Variants in RBFOX1 observed in about 807,000 individuals in gnomAD.
The protein encoded by RBFOX1 is RNA binding protein fox-1 homolog 1.
A neutral mutation model predicts 57.7 loss-of-function variants in RBFOX1; 8 were observed. The observed-to-expected ratio is 0.14, with a 90% CI of 0.08 to 0.25. RBFOX1 has a LOEUF of 0.25. Among genes scored for constraint, RBFOX1 ranks in the 10% least tolerant of loss-of-function variants. RBFOX1 has a pLI of 1.00. For missense variants in RBFOX1, 611 were observed against 548.5 expected, an observed-to-expected ratio of 1.11 and a Z score of -1.14; for synonymous variants, 326 against 222.4, an observed-to-expected ratio of 1.47 and a Z score of -4.15.
intron 1 of RBFOX1, among the ~76,000 whole-genome samples, chr16:6,222,864 A>C: frequency 6.6e-6 from 1 of 151,750 alleles, no homozygotes; most frequent in East Asian, 1.9e-4. Flanking sequence ...CCCCCACCCC[A>C]CAACAGTCCC....
intron 1 of RBFOX1, among the ~76,000 whole-genome samples, chr16:6,302,960 T>G (rs1375589848): frequency 6.6e-6 from 1 of 152,238 alleles, no homozygotes; most frequent in Non-Finnish European, 1.5e-5. Context: ...GTGAAGGCAC[T>G]TCACATATTT....
At chr16:5,773,914 G>T (rs1246437226) in intron 3 of RBFOX1, among the ~76,000 whole-genome samples, 2 of 152,004 alleles carry the variant, frequency 1.3e-5, no homozygotes, top group African/African-American at 2.4e-5. Context: ...GGTTGGTCTC[G>T]ATCTACTGAC....
intron 2 of RBFOX1, among the ~76,000 whole-genome samples, chr16:6,407,800 C>G (rs9933743): frequency 6.6e-6 from 1 of 152,106 alleles, no homozygotes; most frequent in Non-Finnish European, 1.5e-5. Context: ...AAATAAAACA[C>G]TAAATCACCA....
intron 2 of RBFOX1, among the ~76,000 whole-genome samples, chr16:6,350,444 G>GAAAAAAAAAA (rs569363563): frequency 8.0e-5 from 6 of 74,616 alleles, no homozygotes; most frequent in Non-Finnish European, 1.2e-4. Context: ...TCTGTCTCAA[G>GAAAAAAAAAA]AAAAAAAAAA....
chr16:6,506,880 T>C (rs1358525452), intron 2 of RBFOX1, among the ~76,000 whole-genome samples: 1 of 152,100 alleles, frequency 6.6e-6, no homozygotes, highest in Non-Finnish European at 1.5e-5. Context: ...ACTCCTGACC[T>C]CAAGTGATCC....
At chr16:6,969,796 C>A (rs1032828815) in intron 3 of RBFOX1, among the ~76,000 whole-genome samples, 1 of 151,864 alleles carries the variant, frequency 6.6e-6, no homozygotes, top group Non-Finnish European at 1.5e-5. Flanking sequence ...TCTGGTGCCC[C>A]CTTCAGTTGT....
At chr16:5,800,879 A>G (rs1004484) in intron 3 of RBFOX1, among the ~76,000 whole-genome samples, 5,448 of 152,208 alleles carry the variant, frequency 0.036, 146 homozygotes, top group Non-Finnish European at 0.05. Flanking sequence ...GTCCTAGGGC[A>G]AAAATGAGTT....
intron 2 of RBFOX1, among the ~76,000 whole-genome samples, chr16:5,582,068 C>G (rs565613404): frequency 2.1e-4 from 32 of 152,300 alleles, no homozygotes; most frequent in African/African-American, 7.5e-4. Context: ...TTCAAACTTG[C>G]AATTATTTCA....
intron 3 of RBFOX1, among the ~76,000 whole-genome samples, chr16:5,740,248 C>G (rs531743632): frequency 3.9e-5 from 6 of 152,228 alleles, no homozygotes; most frequent in Admixed American, 1.3e-4. Flanking sequence ...CCCTGTTGAT[C>G]AGTCATCATC....
chr16:6,143,528 A>T (rs906459705), intron 1 of RBFOX1, among the ~76,000 whole-genome samples: 1 of 152,158 alleles, frequency 6.6e-6, no homozygotes, highest in African/African-American at 2.4e-5. Flanking sequence ...TCCCTTTGCT[A>T]TTGAGAAGTG....
intron 3 of RBFOX1, among the ~76,000 whole-genome samples, chr16:6,940,314 C>G (rs1244212709): frequency 6.6e-6 from 1 of 152,154 alleles, no homozygotes; most frequent in African/African-American, 2.4e-5. Flanking sequence ...GTTGCTCTGA[C>G]CAAGCTAGGT....
chr16:6,377,920 C>T (rs934693720), intron 2 of RBFOX1, among the ~76,000 whole-genome samples: 2 of 152,158 alleles, frequency 1.3e-5, no homozygotes, highest in Non-Finnish European at 1.5e-5. Context: ...CCAAGAGGTG[C>T]TTCTCAAAGA....
intron 3 of RBFOX1, among the ~76,000 whole-genome samples, chr16:6,900,863 G>C (rs1049648185): frequency 6.6e-6 from 1 of 152,186 alleles, no homozygotes; most frequent in African/African-American, 2.4e-5. Context: ...TGAGCTCCAT[G>C]AATGCAGGGA....
chr16:7,136,176 G>A (rs1032418665), intron 4 of RBFOX1, among the ~76,000 whole-genome samples: 21 of 152,178 alleles, frequency 1.4e-4, no homozygotes, highest in African/African-American at 5.1e-4. Context: ...GGAGAGTTTG[G>A]CATTTCCAAG....
chr16:7,537,769 C>T (rs377520498), intron 5 of RBFOX1, among the ~76,000 whole-genome samples: 1 of 152,132 alleles, frequency 6.6e-6, no homozygotes, highest in East Asian at 1.9e-4. Context: ...CTAAGCAAAC[C>T]CCGCCTCCAC....
At chr16:7,706,140 C>T (rs1024949080) in intron 14 of RBFOX1, among the ~76,000 whole-genome samples, 3 of 152,182 alleles carry the variant, frequency 2.0e-5, no homozygotes, top group African/African-American at 7.2e-5. Context: ...TCCACATCTT[C>T]CCCAATAACC....
chr16:5,355,049 C>A (rs985724433), intron 1 of RBFOX1, among the ~76,000 whole-genome samples: 4 of 151,622 alleles, frequency 2.6e-5, no homozygotes, highest in African/African-American at 7.3e-5. Flanking sequence ...AGGGGACAGA[C>A]AGAGAAGAGA....
Position 7,301,199 on chromosome 16 carries a change from C to G in RBFOX1, c.28-216948C>G, listed in dbSNP as rs549359841. ...CATTTGATTTGGGGTCATTGGATGC[C>G]CTATTCCTGATTAAGGAGCACTGAT... On this transcript the variant is annotated intron_variant, in intron 4 of 15. Transcript: ENST00000550418. 7.9e-5 allele frequency among the ~76,000 whole-genome samples: 12 copies of G among 152,172 alleles called. No homozygotes were observed. The South Asian group carries it at 2.5e-3, about 32-fold the overall frequency.
At chr16:6,477,472 T>C (rs1175139969) in intron 2 of RBFOX1, among the ~76,000 whole-genome samples, 3 of 152,200 alleles carry the variant, frequency 2.0e-5, no homozygotes, top group Non-Finnish European at 1.5e-5. Flanking sequence ...GCAGTAATAT[T>C]TTTAAAGGAA....
Sources: allele counts gnomAD v4.1 joint callset (sites outside exome capture counted in the v4.1 genomes callset), GRCh38; gene constraint gnomAD v4.1.1; transcripts MANE v1.5; gene names NCBI Gene and HGNC (gene_info 2026-07-23, HGNC 2026-07-21).